DEFB135: variants seen among roughly 807,000 people sequenced by gnomAD.
DEFB135 encodes the protein beta-defensin 135.
DEFB135 carries 14 observed loss-of-function variants against 8.9 expected under a neutral mutation model. The ratio of observed to expected loss-of-function variants is 1.58; its 90% CI spans 1.04 to 2.47. DEFB135 has a LOEUF of 2.47. Ranked by LOEUF, DEFB135 falls within the 30% of genes most tolerant of loss-of-function variation. The pLI, the probability that DEFB135 is intolerant of heterozygous loss-of-function variation, is 0.00. For missense variants in DEFB135, 135 were observed against 94.2 expected, an observed-to-expected ratio of 1.43 and a Z score of -1.79; for synonymous variants, 51 against 34.5, an observed-to-expected ratio of 1.48 and a Z score of -1.67.
chr8:11,982,300 G>A lies in DEFB135; in HGVS notation c.-21G>A, dbSNP rs374212432. The A allele has an allele frequency of 9.3e-6, 15 of 1,613,896 alleles. No individual in the cohort carries two copies. Among genetic ancestry groups the A allele is most frequent in the Admixed American group, 3.3e-5 (2 of 60,012 alleles). On this transcript the variant is annotated 5_prime_UTR_variant, in exon 1 of 2. Coordinates refer to ENST00000382208, the MANE Select transcript of DEFB135 (RefSeq NM_001033017.3). ...GAGAGTGACTCTCCGATGAGTCACAGCTGCTTCTTTGCTGATTGGTATGGC... is the reference window on the plus strand; with the variant it reads ...GAGAGTGACTCTCCGATGAGTCACAACTGCTTCTTTGCTGATTGGTATGGC...
chr8:11,984,508 A>G lies in DEFB135; in HGVS notation c.152A>G (p.Asn51Ser). The change falls in exon 2 of 2, where the codon AAC (asparagine) becomes AGC (serine). Residue 51 changes from asparagine to serine, a missense_variant. Coordinates refer to ENST00000382208, the MANE Select transcript of DEFB135 (RefSeq NM_001033017.3). ...QGTCRPKCLK[N>S]EQYRILCDTI... ...ACTTGCCGGCCAAAATGTCTAAAAA[A>G]CGAACAATATCGTATTTTGTGTGAT... The G allele has an allele frequency of 6.3e-7, 1 of 1,589,670 alleles. No homozygotes were observed. The highest frequency in any genetic ancestry group is 1.3e-5 in the African/African-American group (1 of 74,662).
chr8:11,983,556 G>A (rs1450662565), intron 1 of DEFB135, among the ~76,000 whole-genome samples: 3 of 152,102 alleles, frequency 2.0e-5, no homozygotes, highest in Admixed American at 6.5e-5. Flanking sequence ...GGGAGCACAT[G>A]GTGGGCAAGT....
chr8:11,983,411 A>G (rs1412399355), intron 1 of DEFB135, among the ~76,000 whole-genome samples: 2 of 152,186 alleles, frequency 1.3e-5, no homozygotes, highest in South Asian at 2.1e-4. Context: ...ATTAAAAAAA[A>G]TAAATAAAAC....
chr8:11,982,514 T>G, intron 1 of DEFB135, 130 bp downstream of exon 1: 1 of 921,682 alleles, frequency 1.1e-6, no homozygotes, highest in Non-Finnish European at 1.7e-6. Context: ...TGAGCAGAGA[T>G]GGACATGCTG....
chr8:11,984,412 T>C lies in DEFB135; in HGVS notation c.65-9T>C. 1 of 1,522,360 alleles carries C rather than the reference T, an allele frequency of 6.6e-7. No individual in the cohort carries two copies. The highest frequency in any genetic ancestry group is 8.9e-7 in the Non-Finnish European group (1 of 1,121,420). The allele number at this position is 1,522,360 out of a possible 1,614,324, so 94.3% of individuals were successfully genotyped here. ...CTAACTGTGCATTAACCTTTGTTTC[T>C]CTTGGCAGGTAGAAGTGGACCCAAT... On this transcript the variant is annotated splice_polypyrimidine_tract_variant and intron_variant, in intron 1 of 1. Coordinates refer to ENST00000382208, the MANE Select transcript of DEFB135 (RefSeq NM_001033017.3).
At chr8:11,982,496 G>C (rs1269108674) in intron 1 of DEFB135, 112 bp downstream of exon 1, 7 of 1,168,990 alleles carry the variant, frequency 6.0e-6, no homozygotes, top group Non-Finnish European at 8.8e-6. Context: ...CTGCAACAGG[G>C]AGGAAAGTGA....
chr8:11,982,891 C>T (rs1401719110), intron 1 of DEFB135, among the ~76,000 whole-genome samples: 1 of 152,164 alleles, frequency 6.6e-6, no homozygotes, highest in Non-Finnish European at 1.5e-5. Flanking sequence ...TCCTATGAAA[C>T]ATCAGTTTGA....
chr8:11,983,725 T>C (rs1799788944), intron 1 of DEFB135, among the ~76,000 whole-genome samples: 1 of 152,192 alleles, frequency 6.6e-6, no homozygotes, highest in Non-Finnish European at 1.5e-5. Flanking sequence ...ACCCTTACCC[T>C]CTTAAACTGC....
intron 1 of DEFB135, among the ~76,000 whole-genome samples, chr8:11,983,374 G>A (rs1262963497): frequency 1.3e-5 from 2 of 152,078 alleles, no homozygotes; most frequent in African/African-American, 2.4e-5. Context: ...TGGGCAACAA[G>A]CGTGAAACTT....
chr8:11,984,541 A>G lies in DEFB135; in HGVS notation c.185A>G (p.His62Arg). Reference sequence around the variant, plus strand: ...TATCGTATTTTGTGTGATACTATACATTTGTGCTGTGTAAACCCAAAATAT... The same window carrying G: ...TATCGTATTTTGTGTGATACTATACGTTTGTGCTGTGTAAACCCAAAATAT... ...EQYRILCDTI[H>R]LCCVNPKYLP... The change falls in exon 2 of 2, where the codon CAT becomes CGT. Residue 62 changes from histidine (H) to arginine (R), a missense_variant. Coordinates refer to ENST00000382208, the MANE Select transcript of DEFB135 (RefSeq NM_001033017.3). 6.4e-7 allele frequency: 1 copy of G among 1,564,114 alleles called. No homozygotes were observed. Among genetic ancestry groups the G allele is most frequent in the Non-Finnish European group, 8.7e-7 (1 of 1,143,838 alleles).
At chr8:11,983,332 G>C (rs774972768) in intron 1 of DEFB135, among the ~76,000 whole-genome samples, 4 of 152,212 alleles carry the variant, frequency 2.6e-5, no homozygotes, top group Non-Finnish European at 4.4e-5. Context: ...GGAGATTGCA[G>C]TGAGCTGAGA....
At chr8:11,983,310 A>G (rs1205858770) in intron 1 of DEFB135, among the ~76,000 whole-genome samples, 2 of 152,234 alleles carry the variant, frequency 1.3e-5, no homozygotes, top group Non-Finnish European at 2.9e-5. Flanking sequence ...GGATCACTTG[A>G]ACCCAGGAGG....
intron 1 of DEFB135, among the ~76,000 whole-genome samples, chr8:11,983,311 A>G (rs1324512643): frequency 1.3e-5 from 2 of 152,144 alleles, no homozygotes; most frequent in Non-Finnish European, 2.9e-5. Context: ...GATCACTTGA[A>G]CCCAGGAGGC....
rs1475933960 is a variant in DEFB135 at position 11,984,440 on chromosome 8, C to A, written c.84C>A (p.Val28=). The change falls in exon 2 of 2, where the codon GTC becomes GTA. Residue 28 remains valine (V), a synonymous_variant. Coordinates refer to ENST00000382208, the MANE Select transcript of DEFB135 (RefSeq NM_001033017.3). Reference sequence around the variant, plus strand: ...TGGCAGGTAGAAGTGGACCCAATGTCTACATACAAAAAATCTTTGCTTCAT... The same window carrying A: ...TGGCAGGTAGAAGTGGACCCAATGTATACATACAAAAAATCTTTGCTTCAT... ...YVPPGRSGPN[V]YIQKIFASCW... 1.3e-6 allele frequency: 2 copies of A among 1,564,250 alleles called. No individual in the cohort carries two copies. The highest frequency in any genetic ancestry group is 8.7e-7 in the Non-Finnish European group (1 of 1,144,346).
chr8:11,984,360 T>C (rs1799808596), intron 1 of DEFB135, 61 bp from the exon 2 acceptor site: 1 of 1,290,730 alleles, frequency 7.7e-7, no homozygotes, highest in Non-Finnish European at 1.0e-6. Context: ...TCTAATTTTA[T>C]CCATGACAAC....
rs1467241608 is a variant in DEFB135, at chr8:11,984,569, AC to A, written c.215del (p.Pro72LeufsTer3). Reference sequence around the variant, plus strand: ...TGTGCTGTGTAAACCCAAAATATTTACCTATACTGACTGGGAAATAGTTGTG... The same window carrying A: ...TGTGCTGTGTAAACCCAAAATATTTACTATACTGACTGGGAAATAGTTGTG... ...HLCCVNPKYL[P>X]ILTGK On this transcript the variant is annotated frameshift_variant, in exon 2 of 2. Transcript: ENST00000382208. LOFTEE classifies it high-confidence loss of function. 11 of 1,516,934 alleles carry A rather than the reference AC, an allele frequency of 7.3e-6. No individual in the cohort carries two copies. Among genetic ancestry groups the A allele is most frequent in the Non-Finnish European group, 9.8e-6 (11 of 1,119,006 alleles). The allele number at this position is 1,516,934 out of a possible 1,614,324, so 94.0% of individuals were successfully genotyped here.
rs993901039 is a variant in DEFB135 at position 11,984,348 on chromosome 8, G to A, written c.65-73G>A. On this transcript the variant is annotated intron_variant, in intron 1 of 1. Transcript: ENST00000382208. ...TTAAAAAGTGAAAACTATGGTCTGA[G>A]GTCTAATTTTATCCATGACAACATG... 2.5e-6 allele frequency: 3 copies of A among 1,199,436 alleles called. No homozygotes were observed. The Admixed American group carries it at 8.5e-5, about 34-fold the overall frequency. The allele number at this position is 1,199,436 out of a possible 1,614,324, so 74.3% of individuals were successfully genotyped here.
rs555529783 is a variant in DEFB135, at chr8:11,982,903, A to C, written c.64+519A>C. Among the ~76,000 whole-genome samples, 9 of 152,342 alleles carry C rather than the reference A, an allele frequency of 5.9e-5. No homozygotes were observed. The East Asian group carries it at 1.7e-3, about 29-fold the overall frequency. ...AGGTCCTATGAAACATCAGTTTGAGAGGTCAGAATTTACATTCTGTGGACA... is the reference window on the plus strand; with the variant it reads ...AGGTCCTATGAAACATCAGTTTGAGCGGTCAGAATTTACATTCTGTGGACA... On this transcript the variant is annotated intron_variant, in intron 1 of 1. Coordinates refer to ENST00000382208, the MANE Select transcript of DEFB135 (RefSeq NM_001033017.3).
At position 11,982,325 on chromosome 8, in the gene DEFB135, C is replaced by A; in HGVS notation, c.5C>A (p.Ala2Asp). The A allele has an allele frequency of 6.2e-7, 1 of 1,614,116 alleles. No homozygotes were observed. The highest frequency in any genetic ancestry group is 1.7e-4 in the Middle Eastern group (1 of 6,056). ...GCTGCTTCTTTGCTGATTGGTATGG[C>A]CACAAGGAGCGTCCTCTTGGCCCTC... M[A>D]TRSVLLALVV... Residue 2 changes from alanine to aspartate, a missense_variant, in exon 1 of 2, where the codon GCC (alanine) becomes GAC (aspartate). Ala to Asp is a moderately radical substitution (Grantham distance 126). Coordinates refer to ENST00000382208, the MANE Select transcript of DEFB135 (RefSeq NM_001033017.3).
Sources: allele counts gnomAD v4.1 joint callset (sites outside exome capture counted in the v4.1 genomes callset), GRCh38; gene constraint gnomAD v4.1.1; transcripts MANE v1.5; gene names NCBI Gene and HGNC (gene_info 2026-07-23, HGNC 2026-07-21).